Variants in UBE2L3 observed in about 807,000 individuals in gnomAD.
UBE2L3 encodes ubiquitin conjugating enzyme E2 L3, also known as ubiquitin-conjugating enzyme E2 L3.
A neutral mutation model predicts 17.8 loss-of-function variants in UBE2L3; 1 was observed. The ratio of observed to expected loss-of-function variants is 0.06; its 90% CI spans 0.02 to 0.27. The LOEUF (loss-of-function observed/expected upper bound fraction) is 0.27, where lower values mean the gene tolerates loss of function less well. Ranked by LOEUF, UBE2L3 falls within the 10% of genes least tolerant of loss-of-function variation. The probability of loss-of-function intolerance (pLI) is 1.00; values close to 1 mark genes in which losing one functional copy is unlikely to be tolerated. For synonymous variants in UBE2L3, 44 were observed against 68.5 expected (o/e 0.64, Z 1.76); for missense variants, 40 against 192.6 (o/e 0.21, Z 4.69).
chr22:21,584,178 AT>A (rs374588807), intron 1 of UBE2L3, among the ~76,000 whole-genome samples: 28,101 of 132,606 alleles, frequency 0.21, 2,936 homozygotes, highest in East Asian at 0.42. Context: ...TCTGGCCTAA[AT>A]TTTTTTTTTT....
intron 1 of UBE2L3, among the ~76,000 whole-genome samples, chr22:21,582,119 CAA>C (rs559477853): frequency 1.2e-5 from 1 of 82,894 alleles, no homozygotes. Context: ...GACTTCATCT[CAA>C]AAAAAAAAAC....
chr22:21,568,100 C>G, intron 1 of UBE2L3: 8 of 1,121,468 alleles, frequency 7.1e-6, no homozygotes, highest in Non-Finnish European at 8.7e-6. Context: ...TGTGAGAGCC[C>G]GGTTGGGAGG....
At chr22:21,598,331 A>G (rs1408316385) in intron 2 of UBE2L3, among the ~76,000 whole-genome samples, 2 of 152,088 alleles carry the variant, frequency 1.3e-5, no homozygotes, top group Non-Finnish European at 2.9e-5. Flanking sequence ...GTAGGTATTT[A>G]AAGCTGTAGA....
chr22:21,575,271 A>G (rs1292455604), intron 1 of UBE2L3, among the ~76,000 whole-genome samples: 3 of 150,850 alleles, frequency 2.0e-5, no homozygotes, highest in Non-Finnish European at 4.4e-5. Flanking sequence ...AAAAAAAAAA[A>G]AAAAAAGAAA....
At chr22:21,603,615 G>A (rs968201787) in intron 2 of UBE2L3, among the ~76,000 whole-genome samples, 7 of 150,990 alleles carry the variant, frequency 4.6e-5, no homozygotes, top group Non-Finnish European at 7.4e-5. Flanking sequence ...AGGCTGAGGC[G>A]GGCGGATCAT....
upstream of UBE2L3, chr22:21,567,617 A>C: frequency 6.5e-7 from 1 of 1,529,388 alleles, no homozygotes; most frequent in Non-Finnish European, 8.8e-7. Flanking sequence ...TGGGAAGCAC[A>C]CAGTAGGTGC....
intron 1 of UBE2L3, among the ~76,000 whole-genome samples, chr22:21,571,726 C>G (rs1207095375): frequency 6.6e-6 from 1 of 152,158 alleles, no homozygotes; most frequent in African/African-American, 2.4e-5. Flanking sequence ...AATGTTCACT[C>G]AGAACTTCAT....
At chr22:21,608,923 C>T (rs1929323252) in intron 2 of UBE2L3, among the ~76,000 whole-genome samples, 1 of 151,262 alleles carries the variant, frequency 6.6e-6, no homozygotes, top group South Asian at 2.1e-4. Flanking sequence ...GAGACTCAGT[C>T]TCGCTCTTTC....
chr22:21,570,981 T>A (rs149048157), intron 1 of UBE2L3, among the ~76,000 whole-genome samples: 1 of 152,246 alleles, frequency 6.6e-6, no homozygotes, highest in Non-Finnish European at 1.5e-5. Flanking sequence ...AAACACATTA[T>A]TAAAAGTAGA....
chr22:21,571,584 TAGAA>T (rs549975961), intron 1 of UBE2L3, among the ~76,000 whole-genome samples: 1 of 152,190 alleles, frequency 6.6e-6, no homozygotes, highest in African/African-American at 2.4e-5. Flanking sequence ...AATTTTGTAT[TAGAA>T]AGGAGGTTTC....
At chr22:21,575,258 C>CAAAAAAA (rs999280735) in intron 1 of UBE2L3, among the ~76,000 whole-genome samples, 1 of 52,718 alleles carries the variant, frequency 1.9e-5, no homozygotes, top group Non-Finnish European at 4.7e-5. Flanking sequence ...GACTCCATCT[C>CAAAAAAA]AAAAAAAAAA....
At chr22:21,606,869 TCGGTGGTGATTCAGACCTGGA>T (rs1929203706) in intron 2 of UBE2L3, among the ~76,000 whole-genome samples, 1 of 152,052 alleles carries the variant, frequency 6.6e-6, no homozygotes, top group South Asian at 2.1e-4. Flanking sequence ...TTTCAGCTGC[TCGGTGGTGATTCAGACCTGGA>T]CGCGTGGCTT....
intron 1 of UBE2L3, among the ~76,000 whole-genome samples, chr22:21,582,650 C>A (rs781448137): frequency 6.6e-6 from 1 of 152,124 alleles, no homozygotes; most frequent in Non-Finnish European, 1.5e-5. Context: ...CTCAGCCACC[C>A]GAGTAGCTGG....
intron 1 of UBE2L3, among the ~76,000 whole-genome samples, chr22:21,569,981 C>T (rs1378575819): frequency 2.0e-5 from 3 of 152,248 alleles, no homozygotes; most frequent in Non-Finnish European, 1.5e-5. Flanking sequence ...GCCTTCTCCT[C>T]ACTTCTCCCT....
At chr22:21,590,473 C>T (rs1233985872) in intron 1 of UBE2L3, among the ~76,000 whole-genome samples, 1 of 152,260 alleles carries the variant, frequency 6.6e-6, no homozygotes, top group Non-Finnish European at 1.5e-5. Context: ...GTTGGGATTA[C>T]AGGCGTGAGC....
chr22:21,592,204 T>A (rs1004272006), intron 1 of UBE2L3, among the ~76,000 whole-genome samples: 1 of 152,142 alleles, frequency 6.6e-6, no homozygotes, highest in Non-Finnish European at 1.5e-5. Context: ...TTTCCTTTTC[T>A]GCACTCTGGG....
In UBE2L3 at chr22:21,618,674, A is replaced by G. The variant is rs979983377; in HGVS notation, c.311-2841A>G. Among the ~76,000 whole-genome samples, 78 of 152,048 alleles carry G rather than the reference A, an allele frequency of 5.1e-4. 1 individual carries two copies. The highest frequency in any genetic ancestry group is 5.0e-3 in the Admixed American group (76 of 15,268). The stretch of plus-strand genomic sequence containing the variant: ...ACAATCACAGCTCACTACAGCCTCA[A>G]TATTGTGGGCTCAAGCAATCATCCC... On this transcript the variant is annotated intron_variant, in intron 3 of 3. Coordinates refer to ENST00000342192, the MANE Select transcript of UBE2L3 (RefSeq NM_003347.4).
chr22:21,560,553 C>T (rs1212248906), intron 1 of UBE2L3, among the ~76,000 whole-genome samples: 6 of 145,978 alleles, frequency 4.1e-5, no homozygotes, highest in African/African-American at 7.7e-5. Context: ...TGGATTCAAG[C>T]GATTCTTCTG....
intron 1 of UBE2L3, among the ~76,000 whole-genome samples, chr22:21,591,379 G>A (rs1256799989): frequency 3.9e-5 from 6 of 152,230 alleles, no homozygotes; most frequent in Non-Finnish European, 2.9e-5. Flanking sequence ...AGGTGATTGT[G>A]GTGGGCAGAT....
Sources: allele counts gnomAD v4.1 joint callset (sites outside exome capture counted in the v4.1 genomes callset), GRCh38; gene constraint gnomAD v4.1.1; transcripts MANE v1.5; gene names NCBI Gene and HGNC (gene_info 2026-07-23, HGNC 2026-07-21).